Variants in CTIF observed in about 807,000 individuals in gnomAD.
CTIF encodes CBP80/20-dependent translation initiation factor.
Under a neutral mutation model 66.0 loss-of-function variants are expected in CTIF, and 21 were observed. That is an observed-to-expected ratio of 0.32 (90% confidence interval 0.23 to 0.46). The LOEUF (loss-of-function observed/expected upper bound fraction) is 0.46, where lower values mean the gene tolerates loss of function less well. Among genes scored for constraint, CTIF ranks in the 20% least tolerant of loss-of-function variants. CTIF has a pLI of 1.00. For missense variants in CTIF, 739 were observed against 812.7 expected (o/e 0.91, Z 1.10); for synonymous variants, 345 against 326.4 (o/e 1.06, Z -0.62).
intron 6 of CTIF, among the ~76,000 whole-genome samples, chr18:48,679,063 G>T (rs982453585): frequency 2.6e-5 from 4 of 152,204 alleles, no homozygotes; most frequent in Non-Finnish European, 1.5e-5. Context: ...TACAGAAAAA[G>T]TTTGCCAAAC....
At chr18:48,565,894 C>CTAGGG (rs1461114595) in intron 1 of CTIF, 1 of 152,322 alleles carries the variant, frequency 6.6e-6, no homozygotes, top group African/African-American at 2.4e-5. Flanking sequence ...CTGTCCTGTG[C>CTAGGG]TAGGCATCTT....
chr18:48,823,747 T>G (rs2068528841), intron 10 of CTIF, among the ~76,000 whole-genome samples: 1 of 152,226 alleles, frequency 6.6e-6, no homozygotes, highest in Non-Finnish European at 1.5e-5. Context: ...ATCTGCAGAT[T>G]GCTTTGAATA....
intron 9 of CTIF, among the ~76,000 whole-genome samples, chr18:48,779,694 G>A (rs1911026759): frequency 6.6e-6 from 1 of 152,214 alleles, no homozygotes. Context: ...TTCCTGTCTT[G>A]CCGGGGGTGG....
intron 10 of CTIF, among the ~76,000 whole-genome samples, chr18:48,827,755 C>A (rs767666981): frequency 5.9e-5 from 9 of 152,134 alleles, no homozygotes; most frequent in African/African-American, 2.2e-4. Context: ...GCTATGAATA[C>A]CCCAGCTTAA....
At chr18:48,730,264 CAGTGTGAGGGCCTCCTGG>C (rs2092428728) in intron 7 of CTIF, among the ~76,000 whole-genome samples, 1 of 141,500 alleles carries the variant, frequency 7.1e-6, no homozygotes, top group Middle Eastern at 4.1e-3. Context: ...GGGGCCCCCG[CAGTGTGAGGGCCTCCTGG>C]GGTGTGAGGG....
At chr18:48,720,701 A>C (rs1397464356) in intron 7 of CTIF, among the ~76,000 whole-genome samples, 2 of 152,192 alleles carry the variant, frequency 1.3e-5, no homozygotes, top group Non-Finnish European at 2.9e-5. Context: ...CCAGATGTCC[A>C]GGTCCATGCT....
Position 48,636,705 on chromosome 18 carries a change from CT to C in CTIF, c.252+21del. ...CAGCAGGTAGGGAACCAGCTCTGCG[CT>C]CTGTCTGGGGGTGTCCTATGTCTTG... On this transcript the variant is annotated intron_variant, in intron 3 of 11. Coordinates refer to ENST00000256413, the MANE Select transcript of CTIF (RefSeq NM_014772.3). 1 of 1,574,962 alleles carries C rather than the reference CT, an allele frequency of 6.3e-7. No individual in the cohort carries two copies. The highest frequency in any genetic ancestry group is 8.6e-7 in the Non-Finnish European group (1 of 1,162,766).
At chr18:48,823,319 A>G (rs867750102) in intron 10 of CTIF, among the ~76,000 whole-genome samples, 2 of 152,072 alleles carry the variant, frequency 1.3e-5, no homozygotes, top group African/African-American at 4.8e-5. Flanking sequence ...TAAGTCTTCA[A>G]TCCATTTTGA....
intron 3 of CTIF, among the ~76,000 whole-genome samples, chr18:48,646,513 G>A (rs1048610426): frequency 7.2e-5 from 11 of 151,846 alleles, no homozygotes; most frequent in Non-Finnish European, 1.5e-4. Context: ...CTGGGAGGCC[G>A]AGGCGGGTGG....
intron 6 of CTIF, among the ~76,000 whole-genome samples, chr18:48,691,191 GTAGTATGGGAAAAGTCT>G (rs2091920358): frequency 6.6e-6 from 1 of 152,196 alleles, no homozygotes. Flanking sequence ...TCAGTCCACT[GTAGTATGGGAAAAGTCT>G]CCCGGCATTT....
chr18:48,674,201 T>G (rs2091588022), intron 6 of CTIF, among the ~76,000 whole-genome samples: 2 of 152,212 alleles, frequency 1.3e-5, no homozygotes, highest in South Asian at 4.1e-4. Context: ...CACAGCCTAG[T>G]AGAGGAAATG....
chr18:48,626,925 G>A (rs1010104551), intron 2 of CTIF, among the ~76,000 whole-genome samples: 1 of 152,076 alleles, frequency 6.6e-6, no homozygotes, highest in African/African-American at 2.4e-5. Context: ...CCAAAGTGTT[G>A]GGATTACAGG....
At chr18:48,713,158 C>T (rs2092245516) in intron 7 of CTIF, among the ~76,000 whole-genome samples, 1 of 152,116 alleles carries the variant, frequency 6.6e-6, no homozygotes. Flanking sequence ...GAGGCAGCAC[C>T]CCTCAAGGAG....
At chr18:48,568,914 A>T (rs1450746387) in intron 1 of CTIF, among the ~76,000 whole-genome samples, 1 of 152,010 alleles carries the variant, frequency 6.6e-6, no homozygotes, top group Non-Finnish European at 1.5e-5. Flanking sequence ...ACAAGTGGGG[A>T]TTGTGGGAGC....
intron 1 of CTIF, among the ~76,000 whole-genome samples, chr18:48,593,542 C>T (rs537738730): frequency 1.9e-3 from 281 of 151,798 alleles, no homozygotes; most frequent in Middle Eastern, 6.8e-3. Context: ...CCACAATGCC[C>T]GGCTAATTTT....
chr18:48,712,227 G>A (rs2092232555), intron 7 of CTIF, among the ~76,000 whole-genome samples: 1 of 152,122 alleles, frequency 6.6e-6, no homozygotes, highest in African/African-American at 2.4e-5. Context: ...AATTCCTGGG[G>A]GAACCCACTT....
intron 9 of CTIF, among the ~76,000 whole-genome samples, chr18:48,786,509 T>C (rs1049200119): frequency 3.3e-5 from 5 of 152,176 alleles, no homozygotes; most frequent in African/African-American, 1.2e-4. Context: ...TTAGAGTTGT[T>C]AGGAGTACTA....
At chr18:48,588,655 C>T (rs1018868010) in intron 1 of CTIF, among the ~76,000 whole-genome samples, 7 of 152,156 alleles carry the variant, frequency 4.6e-5, no homozygotes, top group African/African-American at 1.7e-4. Flanking sequence ...CCTTCCTTCT[C>T]CTGGCTGCAT....
intron 1 of CTIF, among the ~76,000 whole-genome samples, chr18:48,544,603 G>A (rs2088701555): frequency 6.6e-6 from 1 of 152,228 alleles, no homozygotes; most frequent in East Asian, 1.9e-4. Flanking sequence ...AGTTACCATA[G>A]CAACGATCTG....
Sources: allele counts gnomAD v4.1 joint callset (sites outside exome capture counted in the v4.1 genomes callset), GRCh38; gene constraint gnomAD v4.1.1; transcripts MANE v1.5; gene names NCBI Gene and HGNC (gene_info 2026-07-23, HGNC 2026-07-21).